Variants in SRGAP2 observed in about 807,000 individuals in gnomAD.
SRGAP2 encodes SLIT-ROBO Rho GTPase activating protein 2, also known as SLIT-ROBO Rho GTPase-activating protein 2.
A neutral mutation model predicts 57.2 loss-of-function variants in SRGAP2; 15 were observed. The observed-to-expected ratio is 0.26, with a 90% CI of 0.18 to 0.40. The LOEUF is 0.40. Ranked by LOEUF, SRGAP2 falls within the 10% of genes least tolerant of loss-of-function variation. SRGAP2 has a pLI of 1.00. For missense variants in SRGAP2, 520 were observed against 669.6 expected, an observed-to-expected ratio of 0.78 and a Z score of 2.47; for synonymous variants, 249 against 248.0, an observed-to-expected ratio of 1.00 and a Z score of -0.04.
At chr1:206,327,706 T>C (rs181346846) in intron 3 of SRGAP2, among the ~76,000 whole-genome samples, 144 of 115,306 alleles carry the variant, frequency 1.2e-3, no homozygotes, top group African/African-American at 5.8e-3. Context: ...TAAACAGTTA[T>C]TCATTTTTGT....
At chr1:206,444,048 G>T (rs548592500) in intron 17 of SRGAP2, among the ~76,000 whole-genome samples, 1 of 152,154 alleles carries the variant, frequency 6.6e-6, no homozygotes, top group East Asian at 1.9e-4. Flanking sequence ...AAATTAGCCA[G>T]GCGTGGTGGT....
chr1:206,214,802 A>G (rs1390942184), intron 2 of SRGAP2: 1 of 149,192 alleles, frequency 6.7e-6, no homozygotes, highest in Non-Finnish European at 1.5e-5. Flanking sequence ...CAAAAAAAAA[A>G]AAAAAAAAGA....
chr1:206,289,416 G>C (rs1217919783), intron 2 of SRGAP2, among the ~76,000 whole-genome samples: 1 of 150,260 alleles, frequency 6.7e-6, no homozygotes, highest in African/African-American at 2.4e-5. Context: ...GGGACTACAG[G>C]CGCCCGCCAC....
chr1:206,414,831 G>T (rs189920056), intron 10 of SRGAP2, among the ~76,000 whole-genome samples: 52 of 152,120 alleles, frequency 3.4e-4, no homozygotes, highest in Non-Finnish European at 5.3e-4. Context: ...TGTTAGAGTC[G>T]AATGAGAGAA....
intron 3 of SRGAP2, among the ~76,000 whole-genome samples, chr1:206,311,139 C>T (rs540584975): frequency 6.6e-6 from 1 of 150,696 alleles, no homozygotes; most frequent in East Asian, 1.9e-4. Context: ...TCTGACTGGC[C>T]AGAACTTAGT....
At chr1:206,309,926 G>A (rs1466785093) in intron 3 of SRGAP2, among the ~76,000 whole-genome samples, 2 of 151,084 alleles carry the variant, frequency 1.3e-5, no homozygotes, top group Non-Finnish European at 2.9e-5. Flanking sequence ...TTACTATGAG[G>A]AGAAGCAAAA....
chr1:206,323,451 G>T (rs1473539845), intron 3 of SRGAP2, among the ~76,000 whole-genome samples: 57 of 148,338 alleles, frequency 3.8e-4, no homozygotes, highest in African/African-American at 1.3e-3. Flanking sequence ...GGCCAGCCCT[G>T]TCTCTAAGCA....
intron 13 of SRGAP2, among the ~76,000 whole-genome samples, chr1:206,429,130 C>A (rs1221690857): frequency 6.6e-6 from 1 of 152,156 alleles, no homozygotes; most frequent in African/African-American, 2.4e-5. Flanking sequence ...CCAGTCCCCT[C>A]CCCAGTCTGT....
At chr1:206,438,152 G>A (rs1661943916) in intron 16 of SRGAP2, 54 bp downstream of exon 16, 1 of 766,416 alleles carries the variant, frequency 1.3e-6, no homozygotes, top group Admixed American at 1.8e-5. Context: ...CCGGTAGCAA[G>A]AGAGAAAAAG....
rs1394847803 is a variant in SRGAP2, at chr1:206,231,648, G to A, written c.67+25611G>A. The stretch of plus-strand genomic sequence containing the variant: ...TGCCTCCCAGGTTCAAATGATTTTT[G>A]TGCCTCAGCCACCCCGGTAGCTGGG... On this transcript the variant is annotated intron_variant, in intron 2 of 22. Coordinates refer to ENST00000573034, the MANE Select transcript of SRGAP2 (RefSeq NM_015326.5). Among the ~76,000 whole-genome samples the A allele has an allele frequency of 3.1e-4, 45 of 145,784 alleles. 1 individual carries two copies. Among genetic ancestry groups the A allele is most frequent in the African/African-American group, 1.2e-3 (45 of 38,948 alleles).
intron 7 of SRGAP2, among the ~76,000 whole-genome samples, chr1:206,398,301 C>T (rs1158896662): frequency 6.6e-6 from 1 of 151,940 alleles, no homozygotes; most frequent in Non-Finnish European, 1.5e-5. Flanking sequence ...GCTGAAGGCT[C>T]GGTTTCTGGC....
intron 3 of SRGAP2, among the ~76,000 whole-genome samples, chr1:206,323,447 C>T (rs1163356724): frequency 6.7e-6 from 1 of 148,408 alleles, no homozygotes; most frequent in African/African-American, 2.5e-5. Context: ...TCTGGGCCAG[C>T]CCTGTCTCTA....
chr1:206,458,636 C>T lies in SRGAP2; in HGVS notation c.2521C>T (p.Pro841Ser). The part of the protein sequence containing the change: ...LANINKQRKR[P>S]ESGSIRKTFR... ...TTGTGATTGAAGGCAAAGGAAGCGT[C>T]CAGAATCTGGGAGCATCCGGAAAAC... The change falls in exon 22 of 23, where the codon CCA becomes TCA. Residue 841 changes from proline (P) to serine (S), a missense_variant. By Grantham distance (74) the Pro-to-Ser change is moderately conservative. Coordinates refer to ENST00000573034, the MANE Select transcript of SRGAP2 (RefSeq NM_015326.5). 1.3e-6 allele frequency: 1 copy of T among 760,352 alleles called. No individual in the cohort carries two copies. The highest frequency in any genetic ancestry group is 2.5e-5 in the East Asian group (1 of 40,750). 47.1% of individuals were successfully genotyped at this position (760,352 alleles called of 1,614,324 possible).
At chr1:206,334,004 A>T (rs1211020356) in intron 3 of SRGAP2, among the ~76,000 whole-genome samples, 3 of 152,282 alleles carry the variant, frequency 2.0e-5, no homozygotes, top group Non-Finnish European at 4.4e-5. Flanking sequence ...TAGAGCACAC[A>T]AGCCAATGGA....
At chr1:206,394,039 T>G (rs1191458830) in intron 7 of SRGAP2, among the ~76,000 whole-genome samples, 772 of 36,530 alleles carry the variant, frequency 0.021, 18 homozygotes, top group African/African-American at 0.17. Context: ...ACTTTCTTCC[T>G]TTTTTTTTTT....
intron 3 of SRGAP2, among the ~76,000 whole-genome samples, chr1:206,324,831 A>G (rs1553329225): frequency 2.0e-5 from 3 of 152,150 alleles, no homozygotes; most frequent in African/African-American, 7.2e-5. Context: ...TATGTAAGGA[A>G]GACACTGGGG....
At chr1:206,418,003 T>C (rs1355936755) in intron 11 of SRGAP2, among the ~76,000 whole-genome samples, 2 of 151,556 alleles carry the variant, frequency 1.3e-5, no homozygotes, top group African/African-American at 4.9e-5. Flanking sequence ...ATGGGTTTAC[T>C]CACACATTTA....
intron 4 of SRGAP2, among the ~76,000 whole-genome samples, chr1:206,360,767 G>A (rs1263042974): frequency 2.0e-5 from 3 of 150,936 alleles, no homozygotes; most frequent in Admixed American, 6.6e-5. Context: ...GTCAAGCCCT[G>A]TAATTCATGA....
At chr1:206,253,252 TG>T (rs782709202) in intron 2 of SRGAP2, among the ~76,000 whole-genome samples, 8 of 151,586 alleles carry the variant, frequency 5.3e-5, no homozygotes, top group Non-Finnish European at 1.2e-4. Context: ...GGGGAGTTAA[TG>T]AGATCTTTTT....
Sources: allele counts gnomAD v4.1 joint callset (sites outside exome capture counted in the v4.1 genomes callset), GRCh38; gene constraint gnomAD v4.1.1; transcripts MANE v1.5; gene names NCBI Gene and HGNC (gene_info 2026-07-23, HGNC 2026-07-21).